The following OR2L3 variants were observed in gnomAD, a reference collection of about 807,000 sequenced individuals.
OR2L3 encodes olfactory receptor 2L3.
For missense variants in OR2L3, 369 were observed against 376.6 expected (o/e 0.98, Z 0.17); for synonymous variants, 131 against 139.1 (o/e 0.94, Z 0.41).
intron 1 of OR2L3, among the ~76,000 whole-genome samples, chr1:248,052,326 C>A (rs974221383): frequency 2.6e-5 from 4 of 152,080 alleles, no homozygotes; most frequent in Non-Finnish European, 4.4e-5. Flanking sequence ...AAAAGGTTAC[C>A]ATGTATATGA....
chr1:248,061,791 C>A lies in OR2L3; in HGVS notation c.*171C>A, dbSNP rs1663654863. On this transcript the variant is annotated 3_prime_UTR_variant, in exon 2 of 2. Coordinates refer to ENST00000359959, the MANE Select transcript of OR2L3 (RefSeq NM_001004687.2). ...GTTTTACATATATATGTATATATAA[C>A]TCCAAACAACCTTTTTTCTTCATGG... 1 of 494,210 alleles carries A rather than the reference C, an allele frequency of 2.0e-6. No homozygotes were observed. Among genetic ancestry groups the A allele is most frequent in the Non-Finnish European group, 3.4e-6 (1 of 296,600 alleles). The allele number at this position is 494,210 out of a possible 1,614,324, so 30.6% of individuals were successfully genotyped here. A position where few individuals can be genotyped will look rare whatever the true frequency, so the allele number is the denominator to read the frequency against.
chr1:248,052,241 A>T (rs186523078), intron 1 of OR2L3, among the ~76,000 whole-genome samples: 1 of 152,316 alleles, frequency 6.6e-6, no homozygotes, highest in African/African-American at 2.4e-5. Context: ...TTGAATGTAA[A>T]TATCCACTTT....
chr1:248,061,350 T>G lies in OR2L3; in HGVS notation c.669T>G (p.Ala223=), dbSNP rs777283460. The G allele has an allele frequency of 6.2e-7, 1 of 1,613,886 alleles. No homozygotes were observed. The highest frequency in any genetic ancestry group is 1.7e-5 in the Admixed American group (1 of 59,986). Residue 223 remains alanine (A), a synonymous_variant, in exon 2 of 2, where the codon GCT becomes GCG. Transcript: ENST00000359959. ...ISCSYGRVLL[A]VYHMKSAEGR... is the part of the protein sequence containing the mutation. ...GTTCCTATGGCCGGGTTCTCCTTGC[T>G]GTCTACCACATGAAATCTGCAGAAG...
At chr1:248,052,558 C>G (rs546497668) in intron 1 of OR2L3, among the ~76,000 whole-genome samples, 9 of 152,164 alleles carry the variant, frequency 5.9e-5, no homozygotes, top group African/African-American at 1.9e-4. Flanking sequence ...GAAACCCCAT[C>G]TCTACTAAAA....
intron 1 of OR2L3, among the ~76,000 whole-genome samples, chr1:248,056,204 G>A (rs773910289): frequency 6.6e-6 from 1 of 151,622 alleles, no homozygotes; most frequent in Non-Finnish European, 1.5e-5. Flanking sequence ...TAAGTTTTAG[G>A]GTACATGTGT....
At chr1:248,055,585 A>C (rs984484703) in intron 1 of OR2L3, among the ~76,000 whole-genome samples, 1 of 152,094 alleles carries the variant, frequency 6.6e-6, no homozygotes, top group Non-Finnish European at 1.5e-5. Flanking sequence ...GTGAAACCCT[A>C]TCTCTACTAA....
At position 248,050,093 on chromosome 1, in the gene OR2L3, G is replaced by A. The variant is rs145187799; in HGVS notation, c.-22+3213G>A. ...CGTTCCAGGTGCCAATGTGTGGAGA[G>A]AGTCTGTGAAAGTTCACGCCTCCCT... is the stretch of plus-strand genomic sequence containing the variant. On this transcript the variant is annotated intron_variant, in intron 1 of 1. Coordinates refer to ENST00000359959, the MANE Select transcript of OR2L3 (RefSeq NM_001004687.2). 3.0e-3 allele frequency among the ~76,000 whole-genome samples: 453 copies of A among 152,286 alleles called. 5 individuals are homozygous for A. The East Asian group carries it at 0.041, about 14-fold the overall frequency.
chr1:248,057,867 T>G (rs983189574), intron 1 of OR2L3, among the ~76,000 whole-genome samples: 2 of 152,228 alleles, frequency 1.3e-5, no homozygotes, highest in African/African-American at 2.4e-5. Flanking sequence ...TAATTTTATT[T>G]ATTATTTATC....
chr1:248,049,345 T>C (rs373870138), intron 1 of OR2L3, among the ~76,000 whole-genome samples: 1 of 152,222 alleles, frequency 6.6e-6, no homozygotes, highest in East Asian at 1.9e-4. Context: ...ATGATGCTTT[T>C]TGACTTCAAA....
intron 1 of OR2L3, among the ~76,000 whole-genome samples, 187 bp from the exon 2 acceptor site, chr1:248,060,472 CTT>C (rs1281887680): frequency 6.6e-6 from 1 of 152,066 alleles, no homozygotes; most frequent in Non-Finnish European, 1.5e-5. Flanking sequence ...ATAAGTTACT[CTT>C]GTTTATCTCT....
At chr1:248,058,832 C>CT (rs141033880) in intron 1 of OR2L3, among the ~76,000 whole-genome samples, 1 of 151,940 alleles carries the variant, frequency 6.6e-6, no homozygotes, top group Admixed American at 6.6e-5. Flanking sequence ...GATTTCCCTA[C>CT]TTTTTTTATC....
intron 1 of OR2L3, among the ~76,000 whole-genome samples, chr1:248,057,937 T>G (rs1663493187): frequency 6.6e-6 from 1 of 152,220 alleles, no homozygotes; most frequent in East Asian, 1.9e-4. Context: ...TAGTTCTTTC[T>G]TTTGAAATAA....
At chr1:248,055,453 C>T (rs1055657866) in intron 1 of OR2L3, among the ~76,000 whole-genome samples, 1 of 152,060 alleles carries the variant, frequency 6.6e-6, no homozygotes, top group Non-Finnish European at 1.5e-5. Context: ...TGATGCTGGC[C>T]TCATAAAATG....
intron 1 of OR2L3, among the ~76,000 whole-genome samples, chr1:248,057,348 G>T (rs1418278853): frequency 1.3e-5 from 2 of 152,132 alleles, no homozygotes; most frequent in Non-Finnish European, 2.9e-5. Context: ...ATTTACAATG[G>T]TTAGAAATTT....
chr1:248,061,226 C>A lies in OR2L3; in HGVS notation c.545C>A (p.Ala182Glu). Residue 182 changes from alanine (A) to glutamate (E), a missense_variant, in exon 2 of 2, where the codon GCA becomes GAA. Coordinates refer to ENST00000359959, the MANE Select transcript of OR2L3 (RefSeq NM_001004687.2). The part of the protein sequence containing the change: ...AINHFFCDVP[A>E]MVTLACMDTW... ...AATCATTTCTTCTGTGATGTCCCAG[C>A]AATGGTGACTCTGGCCTGCATGGAC... The A allele has an allele frequency of 6.2e-7, 1 of 1,611,392 alleles. No homozygotes were observed. Among genetic ancestry groups the A allele is most frequent in the East Asian group, 2.2e-5 (1 of 44,718 alleles).
chr1:248,060,064 G>A (rs1382416786), intron 1 of OR2L3, among the ~76,000 whole-genome samples: 1 of 151,290 alleles, frequency 6.6e-6, no homozygotes, highest in Non-Finnish European at 1.5e-5. Context: ...GTATAAATAT[G>A]GAAAGATAAT....
At chr1:248,054,510 G>A (rs1336093505) in intron 1 of OR2L3, among the ~76,000 whole-genome samples, 1 of 151,990 alleles carries the variant, frequency 6.6e-6, no homozygotes, top group African/African-American at 2.4e-5. Flanking sequence ...GAATAGCATT[G>A]TATCTATAAA....
In OR2L3 at chr1:248,060,803, A is replaced by G; in HGVS notation, c.122A>G (p.Asn41Ser). 1 of 1,613,948 alleles carries G rather than the reference A, an allele frequency of 6.2e-7. No individual in the cohort carries two copies. Among genetic ancestry groups the G allele is most frequent in the Non-Finnish European group, 8.5e-7 (1 of 1,179,930 alleles). The part of the protein sequence containing the change: ...VFIFLMALIG[N>S]LSMILLIFLD... ...ATTTTCCTAATGGCTCTAATTGGAA[A>G]CCTATCCATGATTCTTCTCATCTTC... The change falls in exon 2 of 2, where the codon AAC becomes AGC. Residue 41 changes from asparagine to serine, a missense_variant. By Grantham distance (46) the Asn-to-Ser change is conservative. Coordinates refer to ENST00000359959, the MANE Select transcript of OR2L3 (RefSeq NM_001004687.2).
rs757603207 is a variant in OR2L3 at position 248,061,232 on chromosome 1, T to C, written c.551T>C (p.Val184Ala). 1.2e-6 allele frequency: 2 copies of C among 1,611,164 alleles called. No homozygotes were observed. The highest frequency in any genetic ancestry group is 1.7e-5 in the Admixed American group (1 of 59,856). Residue 184 changes from valine to alanine, a missense_variant, in exon 2 of 2, where the codon GTG becomes GCG. By Grantham distance (64) the Val-to-Ala change is moderately conservative. Transcript: ENST00000359959. ...NHFFCDVPAM[V>A]TLACMDTWVY... is the part of the protein sequence containing the mutation. ...TTCTTCTGTGATGTCCCAGCAATGG[T>C]GACTCTGGCCTGCATGGACACCTGG... is the stretch of plus-strand genomic sequence containing the variant.
Sources: gnomAD v4.1 joint callset for allele counts (sites outside exome capture counted in the v4.1 genomes callset) on GRCh38, gnomAD v4.1.1 for gene constraint, MANE v1.5 for transcripts, NCBI Gene and HGNC (gene_info 2026-07-23, HGNC 2026-07-21) for gene names.